KDSR: variants seen among roughly 807,000 people sequenced by gnomAD.
KDSR encodes the protein 3-dehydrosphinganine reductase.
In KDSR, 23 loss-of-function variants were observed where a neutral mutation model predicts 41.3. That is an observed-to-expected ratio of 0.56 (90% CI 0.40 to 0.79). The LOEUF (loss-of-function observed/expected upper bound fraction) is 0.79. KDSR is among the 30% of genes least tolerant of loss of function. The pLI, the probability that KDSR is intolerant of heterozygous loss-of-function variation, is 0.00. For synonymous variants in KDSR, 138 were observed against 151.7 expected (o/e 0.91, Z 0.66); for missense variants, 351 against 416.8 (o/e 0.84, Z 1.37).
chr18:63,342,220 G>A, intron 7 of KDSR, among the ~76,000 whole-genome samples: 1 of 150,900 alleles, frequency 6.6e-6, no homozygotes. Context: ...TTTCAGACAT[G>A]TTGTTTCTAA....
intron 6 of KDSR, among the ~76,000 whole-genome samples, chr18:63,347,930 T>C (rs1444037437): frequency 6.6e-6 from 1 of 152,070 alleles, no homozygotes; most frequent in Non-Finnish European, 1.5e-5. Flanking sequence ...CTACCTTAGT[T>C]TGGGGGCAAA....
Position 63,357,688 on chromosome 18 carries a change from T to A in KDSR, c.255+2048A>T, listed in dbSNP as rs142921177. On this transcript the variant is annotated intron_variant, in intron 3 of 9. Coordinates refer to ENST00000645214, the MANE Select transcript of KDSR (RefSeq NM_002035.4). The stretch of plus-strand genomic sequence containing the variant: ...TCAAGCTTTGCCTCCCAGATCCAAG[T>A]GATTCTCCTGCCTCAGCCTCCCTCC... Among the ~76,000 whole-genome samples, 5 of 150,824 alleles carry A rather than the reference T, an allele frequency of 3.3e-5. No individual in the cohort carries two copies. In the Admixed American group the frequency reaches 3.3e-4, roughly 10 times the overall value.
intron 3 of KDSR, among the ~76,000 whole-genome samples, chr18:63,358,794 G>A (rs1914874353): frequency 8.6e-6 from 1 of 116,676 alleles, no homozygotes; most frequent in Non-Finnish European, 1.7e-5. Flanking sequence ...CAGCCTGGGT[G>A]ACAGAGAGAG....
At chr18:63,353,983 C>T (rs1027248073) in intron 5 of KDSR, among the ~76,000 whole-genome samples, 4 of 151,970 alleles carry the variant, frequency 2.6e-5, no homozygotes, top group African/African-American at 9.7e-5. Context: ...ATGAATTTCA[C>T]TTCAAATTAA....
In KDSR at chr18:63,328,844, ACAAC is replaced by A. The variant is rs1477806274; in HGVS notation, c.*2934_*2937del. ...TGCAAATACATTATAATAAAATAATACAACCAAATCAAAAAGCAGCCACTTAAAA... is the reference window on the plus strand; with the variant it reads ...TGCAAATACATTATAATAAAATAATACAAATCAAAAAGCAGCCACTTAAAA... On this transcript the variant is annotated 3_prime_UTR_variant, in exon 10 of 10. Transcript: ENST00000645214. The A allele has an allele frequency of 5.4e-6, 1 of 186,394 alleles. No individual in the cohort carries two copies. The highest frequency in any genetic ancestry group is 1.1e-5 in the Non-Finnish European group (1 of 88,230). 11.5% of individuals were successfully genotyped at this position (186,394 alleles called of 1,614,324 possible). A position where few individuals can be genotyped will look rare whatever the true frequency, so the allele number is the denominator to read the frequency against.
Position 63,350,215 on chromosome 18 carries a change from G to T in KDSR, c.609+673C>A, listed in dbSNP as rs373198352. On this transcript the variant is annotated intron_variant, in intron 6 of 9. Coordinates refer to ENST00000645214, the MANE Select transcript of KDSR (RefSeq NM_002035.4). Reference sequence around the variant, plus strand: ...ATTCCTGTGTGACAATAATGTGGAAGTCGGCTTCAAGCAGCTGAGGTGTAA... The same window carrying T: ...ATTCCTGTGTGACAATAATGTGGAATTCGGCTTCAAGCAGCTGAGGTGTAA... 5.3e-5 allele frequency among the ~76,000 whole-genome samples: 8 copies of T among 152,334 alleles called. No homozygotes were observed. The South Asian group carries it at 1.7e-3, about 32-fold the overall frequency.
chr18:63,364,166 A>G (rs1599342145), intron 1 of KDSR, among the ~76,000 whole-genome samples: 1 of 152,098 alleles, frequency 6.6e-6, no homozygotes, highest in East Asian at 1.9e-4. Flanking sequence ...TCTCAGCTCA[A>G]ATACCACTTC....
intron 3 of KDSR, among the ~76,000 whole-genome samples, chr18:63,357,748 T>A (rs924593628): frequency 6.6e-6 from 1 of 151,902 alleles, no homozygotes; most frequent in African/African-American, 2.4e-5. Flanking sequence ...GCTAACTTTT[T>A]ATATTTTTAG....
In KDSR at chr18:63,359,807, G is replaced by A. The variant is rs1914911046; in HGVS notation, c.199-15C>T. 1 of 1,590,196 alleles carries A rather than the reference G, an allele frequency of 6.3e-7. No homozygotes were observed. The highest frequency in any genetic ancestry group is 8.6e-7 in the Non-Finnish European group (1 of 1,159,436). On this transcript the variant is annotated splice_polypyrimidine_tract_variant and intron_variant, in intron 2 of 9. Transcript: ENST00000645214. ...AGCAGCTTATCCTGAAAGCAATACA[G>A]AATAATTAGTCGTGATGACCGTCTA... is the stretch of plus-strand genomic sequence containing the variant.
At chr18:63,357,588 A>T (rs1432844074) in intron 3 of KDSR, among the ~76,000 whole-genome samples, 1,331 of 62,874 alleles carry the variant, frequency 0.021, 29 homozygotes, top group African/African-American at 0.069. Context: ...ATATATATAT[A>T]TATATATTTT....
chr18:63,354,625 G>A lies in KDSR; in HGVS notation c.417+579C>T, dbSNP rs541833517. Among the ~76,000 whole-genome samples, 8 of 152,286 alleles carry A rather than the reference G, an allele frequency of 5.3e-5. No homozygotes were observed. The East Asian group carries it at 5.8e-4, about 11-fold the overall frequency. ...GGAGGTTGCAGTGAGCTGAGATCAC[G>A]CCACTGCACTCCAGCCTGAGTGACA... On this transcript the variant is annotated intron_variant, in intron 5 of 9. Transcript: ENST00000645214.
Position 63,328,832 on chromosome 18 carries a change from T to C in KDSR, c.*2950A>G, listed in dbSNP as rs1267611298. 5 of 185,576 alleles carry C rather than the reference T, an allele frequency of 2.7e-5. No homozygotes were observed. Among genetic ancestry groups the C allele is most frequent in the African/African-American group, 4.7e-5 (2 of 42,648 alleles). The allele number at this position is 185,576 out of a possible 1,614,324, so 11.5% of individuals were successfully genotyped here. ...TTTTAATATACTTGCAAATACATTA[T>C]AATAAAATAATACAACCAAATCAAA... On this transcript the variant is annotated 3_prime_UTR_variant, in exon 10 of 10. Transcript: ENST00000645214.
At position 63,346,941 on chromosome 18, in the gene KDSR, C is replaced by T. The variant is rs77015014; in HGVS notation, c.610-2448G>A. 3.3e-5 allele frequency among the ~76,000 whole-genome samples: 5 copies of T among 152,212 alleles called. No individual in the cohort carries two copies. The East Asian group carries it at 9.7e-4, about 29-fold the overall frequency. On this transcript the variant is annotated intron_variant, in intron 6 of 9. Transcript: ENST00000645214. ...TTCTTTTAATCTACCAATCTCATAA[C>T]CCTGTCATAAAAAAAAATGAGGGTA...
In KDSR at chr18:63,330,034, A is replaced by T. The variant is rs1468684351; in HGVS notation, c.*1748T>A. On this transcript the variant is annotated 3_prime_UTR_variant, in exon 10 of 10. Transcript: ENST00000645214. ...ATTCCAAGCAATTTATATATTAAATAATAATTTCTTCTGTATCTATCAGTG... is the reference window on the plus strand; with the variant it reads ...ATTCCAAGCAATTTATATATTAAATTATAATTTCTTCTGTATCTATCAGTG... The T allele has an allele frequency of 5.4e-6, 1 of 184,444 alleles. No individual in the cohort carries two copies. Among genetic ancestry groups the T allele is most frequent in the Non-Finnish European group, 1.2e-5 (1 of 86,908 alleles). The allele number at this position is 184,444 out of a possible 1,614,324, so 11.4% of individuals were successfully genotyped here. A position where few individuals can be genotyped will look rare whatever the true frequency, so the allele number is the denominator to read the frequency against.
At chr18:63,345,951 AAAC>A (rs1914489496) in intron 6 of KDSR, 1 of 151,874 alleles carries the variant, frequency 6.6e-6, no homozygotes. Flanking sequence ...CCAAAAAAAA[AAAC>A]AACAAAAAAA....
At chr18:63,351,520 C>T (rs899629046) in intron 5 of KDSR, among the ~76,000 whole-genome samples, 5 of 152,156 alleles carry the variant, frequency 3.3e-5, no homozygotes, top group Admixed American at 3.3e-4. Flanking sequence ...GGTTTCAAGC[C>T]TTGGGTCTCC....
At chr18:63,355,623 T>A in intron 3 of KDSR, 60 bp from the exon 4 acceptor site, 2 of 1,479,798 alleles carry the variant, frequency 1.4e-6, no homozygotes, top group Admixed American at 2.7e-5. Context: ...TTCTTAAAGA[T>A]ATTTTTTAAA....
chr18:63,362,335 G>A (rs1246052106), intron 2 of KDSR, among the ~76,000 whole-genome samples: 1 of 152,232 alleles, frequency 6.6e-6, no homozygotes, highest in Non-Finnish European at 1.5e-5. Context: ...CCTCTATGGT[G>A]TATAGATTTC....
At position 63,350,842 on chromosome 18, in the gene KDSR, T is replaced by C. The variant is rs781725078; in HGVS notation, c.609+46A>G. ...CTATAAAACTAAAGCGGAATGTATA[T>C]TGCTGAGCGGAGAGGAATAAATACA... On this transcript the variant is annotated intron_variant, in intron 6 of 9. Coordinates refer to ENST00000645214, the MANE Select transcript of KDSR (RefSeq NM_002035.4). 7.3e-6 allele frequency: 10 copies of C among 1,374,098 alleles called. No individual in the cohort carries two copies. The African/African-American group carries it at 1.3e-4, about 18-fold the overall frequency. 85.1% of individuals were successfully genotyped at this position (1,374,098 alleles called of 1,614,324 possible).
Sources: allele counts gnomAD v4.1 joint callset (sites outside exome capture counted in the v4.1 genomes callset), GRCh38; gene constraint gnomAD v4.1.1; transcripts MANE v1.5; gene names NCBI Gene and HGNC (gene_info 2026-07-23, HGNC 2026-07-21).